EPHA6: variants seen among roughly 807,000 people sequenced by gnomAD.
EPHA6 encodes ephrin type-A receptor 6.
Under a neutral mutation model 112.0 loss-of-function variants are expected in EPHA6, and 50 were observed. That is an observed-to-expected ratio of 0.45 (90% confidence interval 0.36 to 0.56). The LOEUF (loss-of-function observed/expected upper bound fraction) is 0.56, where lower values mean the gene tolerates loss of function less well. Ranked by LOEUF, EPHA6 falls within the 20% of genes least tolerant of loss-of-function variation. EPHA6 has a pLI of 0.00. For missense variants in EPHA6, 1,280 were observed against 1,417.4 expected (o/e 0.90, Z 1.56); for synonymous variants, 529 against 490.7 (o/e 1.08, Z -1.03).
chr3:97,378,164 G>A (rs138084104), intron 5 of EPHA6, among the ~76,000 whole-genome samples: 102 of 152,158 alleles, frequency 6.7e-4, no homozygotes, highest in African/African-American at 2.4e-3. Flanking sequence ...GTTGCCCTGC[G>A]TCCCAGCCCC....
At chr3:97,233,523 C>A (rs866739665) in intron 4 of EPHA6, among the ~76,000 whole-genome samples, 42 of 152,164 alleles carry the variant, frequency 2.8e-4, no homozygotes, top group Middle Eastern at 6.8e-3. Context: ...TTTTCATTAA[C>A]CACAAACAGT....
intron 11 of EPHA6, among the ~76,000 whole-genome samples, chr3:97,544,549 T>C (rs2092917367): frequency 1.3e-5 from 2 of 152,216 alleles, no homozygotes; most frequent in South Asian, 4.1e-4. Flanking sequence ...TGGTCTAAAA[T>C]TCTCTTTTTT....
chr3:97,505,359 C>T (rs1347048779), intron 10 of EPHA6, among the ~76,000 whole-genome samples: 1 of 150,336 alleles, frequency 6.7e-6, no homozygotes, highest in Non-Finnish European at 1.5e-5. Flanking sequence ...CCCCGACAGG[C>T]CCTGATGTGT....
intron 4 of EPHA6, among the ~76,000 whole-genome samples, chr3:97,236,064 T>C (rs771748531): frequency 1.3e-5 from 2 of 152,006 alleles, no homozygotes; most frequent in Non-Finnish European, 2.9e-5. Context: ...TCATTAAATA[T>C]ATGCTCTGTA....
chr3:97,033,028 G>A (rs2044932543), intron 3 of EPHA6, among the ~76,000 whole-genome samples: 1 of 151,210 alleles, frequency 6.6e-6, no homozygotes, highest in African/African-American at 2.4e-5. Context: ...GCTGGACTAG[G>A]CAATATGAAA....
intron 2 of EPHA6, among the ~76,000 whole-genome samples, chr3:96,890,360 T>A (rs570393680): frequency 2.6e-4 from 39 of 152,278 alleles, no homozygotes; most frequent in African/African-American, 9.1e-4. Context: ...CCCAAAGTCT[T>A]ATGTGAGTAT....
intron 5 of EPHA6, among the ~76,000 whole-genome samples, chr3:97,376,142 A>G (rs937616263): frequency 1.6e-4 from 24 of 152,188 alleles, no homozygotes; most frequent in African/African-American, 4.8e-4. Flanking sequence ...AAATAAAAAT[A>G]ATATATACAG....
intron 5 of EPHA6, among the ~76,000 whole-genome samples, chr3:97,259,386 G>A (rs923095474): frequency 6.6e-6 from 1 of 151,580 alleles, no homozygotes; most frequent in Non-Finnish European, 1.5e-5. Flanking sequence ...TATCATAAAT[G>A]TATTTCTCAA....
chr3:96,964,175 G>A (rs2107760962), intron 2 of EPHA6, among the ~76,000 whole-genome samples: 1 of 152,104 alleles, frequency 6.6e-6, no homozygotes, highest in African/African-American at 2.4e-5. Context: ...ATCCAAGTAT[G>A]CTCATTCGTT....
intron 1 of EPHA6, among the ~76,000 whole-genome samples, chr3:96,848,815 T>G (rs2035227214): frequency 6.6e-6 from 1 of 152,140 alleles, no homozygotes; most frequent in Non-Finnish European, 1.5e-5. Flanking sequence ...TTCCTTATTC[T>G]TAGGTCATCT....
intron 2 of EPHA6, among the ~76,000 whole-genome samples, chr3:96,984,381 A>T (rs757388740): frequency 6.6e-6 from 1 of 152,194 alleles, no homozygotes; most frequent in Non-Finnish European, 1.5e-5. Flanking sequence ...ATTGCTGAAC[A>T]GCAAATGTTG....
intron 3 of EPHA6, among the ~76,000 whole-genome samples, chr3:97,159,990 A>T (rs766739772): frequency 6.6e-6 from 1 of 152,194 alleles, no homozygotes; most frequent in African/African-American, 2.4e-5. Context: ...GAATGGTGCC[A>T]TATTGGGGAC....
At chr3:97,150,837 G>A (rs1356714088) in intron 3 of EPHA6, among the ~76,000 whole-genome samples, 4 of 151,868 alleles carry the variant, frequency 2.6e-5, no homozygotes, top group African/African-American at 9.7e-5. Flanking sequence ...TTCATAATAT[G>A]CCACTGTCTG....
At chr3:97,619,728 C>T (rs1225152180) in intron 13 of EPHA6, among the ~76,000 whole-genome samples, 2 of 152,002 alleles carry the variant, frequency 1.3e-5, no homozygotes, top group African/African-American at 4.8e-5. Context: ...AAGATCTCTA[C>T]AAGGAAAACT....
chr3:97,572,480 C>T (rs2093344179), intron 11 of EPHA6, among the ~76,000 whole-genome samples: 1 of 151,910 alleles, frequency 6.6e-6, no homozygotes, highest in African/African-American at 2.4e-5. Flanking sequence ...CTCCTTTTTC[C>T]TGCTTTTTTG....
At chr3:97,245,248 C>T (rs185638251) in intron 5 of EPHA6, among the ~76,000 whole-genome samples, 5 of 152,090 alleles carry the variant, frequency 3.3e-5, no homozygotes, top group Admixed American at 6.6e-5. Flanking sequence ...TTGTTGATTT[C>T]GTTCTGAGGC....
intron 11 of EPHA6, among the ~76,000 whole-genome samples, chr3:97,545,005 A>G (rs1050577039): frequency 1.3e-5 from 2 of 152,156 alleles, no homozygotes; most frequent in Non-Finnish European, 1.5e-5. Flanking sequence ...TGATCCTTTC[A>G]AAAAACCAGC....
At chr3:96,979,620 C>T (rs1472648051) in intron 2 of EPHA6, among the ~76,000 whole-genome samples, 1 of 152,166 alleles carries the variant, frequency 6.6e-6, no homozygotes, top group African/African-American at 2.4e-5. Context: ...CTTGAGGGAT[C>T]GCCACACTGT....
intron 4 of EPHA6, among the ~76,000 whole-genome samples, chr3:97,238,120 G>A (rs2108569580): frequency 6.6e-6 from 1 of 152,050 alleles, no homozygotes; most frequent in Non-Finnish European, 1.5e-5. Flanking sequence ...ATAGAAACTT[G>A]AAGATGCAAA....
Sources: gnomAD v4.1 joint callset for allele counts (sites outside exome capture counted in the v4.1 genomes callset) on GRCh38, gnomAD v4.1.1 for gene constraint, MANE v1.5 for transcripts, NCBI Gene and HGNC (gene_info 2026-07-23, HGNC 2026-07-21) for gene names.